The following REPS1 variants were observed in gnomAD, a reference collection of about 807,000 sequenced individuals.
The protein encoded by REPS1 is ralBP1-associated Eps domain-containing protein 1.
In REPS1, 39 loss-of-function variants were observed where a neutral mutation model predicts 100.9. The ratio of observed to expected loss-of-function variants is 0.39; its 90% confidence interval spans 0.30 to 0.50. The LOEUF (loss-of-function observed/expected upper bound fraction) is 0.50. Ranked by LOEUF, REPS1 falls within the 20% of genes least tolerant of loss-of-function variation. The pLI is 0.86. For missense variants in REPS1, 821 were observed against 968.5 expected, an observed-to-expected ratio of 0.85 and a Z score of 2.02; for synonymous variants, 324 against 340.3, an observed-to-expected ratio of 0.95 and a Z score of 0.53.
chr6:138,987,430 A>G (rs1582881088), intron 1 of REPS1, 100 bp downstream of exon 1: 4 of 1,258,076 alleles, frequency 3.2e-6, no homozygotes, highest in East Asian at 5.8e-5. Context: ...CCGAGGAACC[A>G]GCCCCCCGCC....
intron 1 of REPS1, among the ~76,000 whole-genome samples, chr6:138,957,551 G>A (rs979061860): frequency 6.6e-6 from 1 of 152,176 alleles, no homozygotes; most frequent in African/African-American, 2.4e-5. Flanking sequence ...AGCAAAGTGT[G>A]AAGACACAGC....
At chr6:138,965,273 T>C (rs554054121) in intron 1 of REPS1, among the ~76,000 whole-genome samples, 1 of 152,084 alleles carries the variant, frequency 6.6e-6, no homozygotes, top group Admixed American at 6.6e-5. Flanking sequence ...CTTTTAAAGT[T>C]TGATAGTTTG....
chr6:138,943,532 G>C lies in REPS1; in HGVS notation c.961C>G (p.Leu321Val). 1.9e-6 allele frequency: 3 copies of C among 1,590,680 alleles called. No individual in the cohort carries two copies. The South Asian group carries it at 3.3e-5, about 18-fold the overall frequency. ...ACTTACCAAATATGAGAAAGTTCAAGAATAGGAAGTTTTGATTTTGTAAAA... is the reference window on the plus strand; with the variant it reads ...ACTTACCAAATATGAGAAAGTTCAACAATAGGAAGTTTTGATTTTGTAAAA... Reference protein sequence around the residue: ...EFFTKSKLPILELSHIWELSD... With the variant: ...EFFTKSKLPIVELSHIWELSD... Residue 321 changes from leucine to valine, a missense_variant, in exon 7 of 20, where the codon CTT (leucine) becomes GTT (valine). This residue lies in a region of REPS1 where 757 missense variants were observed against 866.4 expected (regional missense o/e 0.87). Transcript: ENST00000450536.
intron 7 of REPS1, among the ~76,000 whole-genome samples, chr6:138,942,086 C>T (rs961100689): frequency 9.2e-5 from 14 of 152,114 alleles, no homozygotes; most frequent in African/African-American, 3.4e-4. Flanking sequence ...CTCATGTGAT[C>T]CACCTGCCTT....
intron 15 of REPS1, among the ~76,000 whole-genome samples, chr6:138,913,501 A>G (rs1268657408): frequency 6.6e-6 from 1 of 152,214 alleles, no homozygotes; most frequent in African/African-American, 2.4e-5. Context: ...GTACTTGTGA[A>G]CAAAACAAAT....
In REPS1 at chr6:138,911,265, A is replaced by G. The variant is rs1779983368; in HGVS notation, c.2067+11T>C. 6.5e-7 allele frequency: 1 copy of G among 1,544,794 alleles called. No individual in the cohort carries two copies. The highest frequency in any genetic ancestry group is 8.9e-7 in the Non-Finnish European group (1 of 1,119,824). Reference sequence around the variant, plus strand: ...GTACAAAATTATTATTATAAAAGACATTTTGCATACCACATTGGCAGGAGC... The same window carrying G: ...GTACAAAATTATTATTATAAAAGACGTTTTGCATACCACATTGGCAGGAGC... On this transcript the variant is annotated intron_variant, in intron 17 of 19. Coordinates refer to ENST00000450536, the MANE Select transcript of REPS1 (RefSeq NM_001286611.2).
intron 8 of REPS1, 108 bp from the exon 9 acceptor site, chr6:138,930,206 T>C (rs1781402994): frequency 2.4e-6 from 2 of 829,104 alleles, no homozygotes; most frequent in East Asian, 2.7e-5. Context: ...TAAGTAGTAA[T>C]ATATAATCTA....
At chr6:138,908,406 T>C (rs529152335) in intron 18 of REPS1, among the ~76,000 whole-genome samples, 1 of 152,150 alleles carries the variant, frequency 6.6e-6, no homozygotes, top group African/African-American at 2.4e-5. Context: ...GCAATTCTCC[T>C]ACCTCAGCTT....
chr6:138,915,098 A>C (rs1393460054), intron 14 of REPS1: 4 of 239,890 alleles, frequency 1.7e-5, no homozygotes, highest in Non-Finnish European at 3.2e-5. Context: ...TTTCCCTTTC[A>C]CTTAACACTT....
chr6:138,927,424 T>C lies in REPS1; in HGVS notation c.1258-943A>G, dbSNP rs530769883. 3 of 152,292 alleles carry C rather than the reference T, an allele frequency of 2.0e-5. No homozygotes were observed. The South Asian group carries it at 6.2e-4, about 32-fold the overall frequency. The allele number at this position is 152,292 out of a possible 1,614,324, so 9.4% of individuals were successfully genotyped here. The stretch of plus-strand genomic sequence containing the variant: ...CATTAAAATTGCATTAAAATTATCA[T>C]TTAAATCTGATTCTTAAGAATTATC... On this transcript the variant is annotated intron_variant, in intron 9 of 19. Coordinates refer to ENST00000450536, the MANE Select transcript of REPS1 (RefSeq NM_001286611.2).
At chr6:138,958,168 A>G (rs931543300) in intron 1 of REPS1, among the ~76,000 whole-genome samples, 1 of 152,230 alleles carries the variant, frequency 6.6e-6, no homozygotes, top group Non-Finnish European at 1.5e-5. Context: ...GATAATGTCT[A>G]TAACTGATAA....
At chr6:138,948,326 T>C (rs1382832826) in intron 1 of REPS1, among the ~76,000 whole-genome samples, 1 of 152,186 alleles carries the variant, frequency 6.6e-6, no homozygotes. Context: ...TAAGGATTTA[T>C]CAAGTGGGGA....
At chr6:138,974,796 C>T (rs1784510378) in intron 1 of REPS1, among the ~76,000 whole-genome samples, 1 of 152,046 alleles carries the variant, frequency 6.6e-6, no homozygotes, top group African/African-American at 2.4e-5. Flanking sequence ...GCCTGTAATC[C>T]TTGCTTGAGT....
chr6:138,934,392 A>G (rs1284326671), intron 8 of REPS1: 2 of 466,478 alleles, frequency 4.3e-6, no homozygotes, highest in Non-Finnish European at 8.9e-6. Context: ...TGTTACGCAA[A>G]AAGTATTTCC....
At chr6:138,959,759 T>C (rs1783620523) in intron 1 of REPS1, among the ~76,000 whole-genome samples, 1 of 143,892 alleles carries the variant, frequency 6.9e-6, no homozygotes, top group African/African-American at 2.9e-5. Flanking sequence ...ATCCTTGTAA[T>C]GAAGATTCAC....
chr6:138,947,753 C>G (rs368158332), intron 2 of REPS1, 37 bp downstream of exon 2: 5 of 1,444,544 alleles, frequency 3.5e-6, no homozygotes, highest in Non-Finnish European at 4.6e-6. Flanking sequence ...TAATAGAAGC[C>G]TATTTTCTTT....
At chr6:138,947,070 CT>C (rs1782675243) in intron 2 of REPS1, among the ~76,000 whole-genome samples, 1 of 130,016 alleles carries the variant, frequency 7.7e-6, no homozygotes, top group South Asian at 2.4e-4. Flanking sequence ...CTCTCTCTCT[CT>C]CTCTCCTGTG....
chr6:138,951,166 CA>C (rs1203236414), intron 1 of REPS1: 1 of 151,308 alleles, frequency 6.6e-6, no homozygotes, highest in Non-Finnish European at 1.5e-5. Context: ...CCAGCCTGGG[CA>C]ACAAGAGGGA....
intron 1 of REPS1, among the ~76,000 whole-genome samples, chr6:138,949,674 C>T (rs1454214393): frequency 6.6e-6 from 1 of 151,782 alleles, no homozygotes. Context: ...TGCAGTGAGC[C>T]GAGATCATGC....
Sources: gnomAD v4.1 joint callset for allele counts (sites outside exome capture counted in the v4.1 genomes callset) on GRCh38, gnomAD v4.1.1 for gene constraint, gnomAD v4.1.1 regional missense constraint, MANE v1.5 for transcripts, NCBI Gene and HGNC (gene_info 2026-07-23, HGNC 2026-07-21) for gene names.